The following AK5 variants were observed in gnomAD, a reference collection of about 807,000 sequenced individuals.
AK5 encodes adenylate kinase isoenzyme 5.
A neutral mutation model predicts 69.5 loss-of-function variants in AK5; 27 were observed. The ratio of observed to expected loss-of-function variants is 0.39; its 90% confidence interval spans 0.29 to 0.54. The LOEUF (loss-of-function observed/expected upper bound fraction) is 0.54, where lower values mean the gene tolerates loss of function less well. Among genes scored for constraint, AK5 ranks in the 20% least tolerant of loss-of-function variants. The pLI is 0.71. For synonymous variants in AK5, 260 were observed against 244.4 expected, an observed-to-expected ratio of 1.06 and a Z score of -0.60; for missense variants, 531 against 700.4, an observed-to-expected ratio of 0.76 and a Z score of 2.73.
chr1:77,469,251 A>G (rs926517290), intron 8 of AK5, among the ~76,000 whole-genome samples: 4 of 152,150 alleles, frequency 2.6e-5, no homozygotes, highest in African/African-American at 9.7e-5. Flanking sequence ...TTGCTAAGCT[A>G]TTGTACCCAG....
chr1:77,558,856 G>GTAT lies in AK5; in HGVS notation c.*188_*190dup. The GTAT allele has an allele frequency of 1.7e-6, 1 of 586,574 alleles. No homozygotes were observed. The highest frequency in any genetic ancestry group is 3.1e-6 in the Non-Finnish European group (1 of 319,854). The allele number at this position is 586,574 out of a possible 1,614,324, so 36.3% of individuals were successfully genotyped here. A position where few individuals can be genotyped will look rare whatever the true frequency, so the allele number is the denominator to read the frequency against. On this transcript the variant is annotated 3_prime_UTR_variant, in exon 14 of 14. Transcript: ENST00000354567. ...GAGGTGTCTGGAAATCATGCATGGT[G>GTAT]TATTTGGGACTATATCAACCTATTC... is the stretch of plus-strand genomic sequence containing the variant.
At chr1:77,549,907 C>T (rs1659736780) in intron 13 of AK5, among the ~76,000 whole-genome samples, 2 of 152,202 alleles carry the variant, frequency 1.3e-5, no homozygotes, top group South Asian at 2.1e-4. Context: ...TCACTGCAGC[C>T]TCAACCTCCT....
intron 6 of AK5, among the ~76,000 whole-genome samples, chr1:77,395,376 C>T (rs1295441360): frequency 6.6e-6 from 1 of 152,136 alleles, no homozygotes; most frequent in African/African-American, 2.4e-5. Context: ...TGGCTTCTGT[C>T]TCTATTATTG....
intron 12 of AK5, among the ~76,000 whole-genome samples, chr1:77,528,938 A>C (rs1337175690): frequency 1.3e-5 from 2 of 152,188 alleles, no homozygotes; most frequent in African/African-American, 2.4e-5. Flanking sequence ...TACATACCTC[A>C]GTGATTGTTG....
chr1:77,526,723 C>T (rs538812032), intron 12 of AK5, among the ~76,000 whole-genome samples: 7 of 151,584 alleles, frequency 4.6e-5, no homozygotes, highest in African/African-American at 1.7e-4. Flanking sequence ...GATCTGCCCT[C>T]TCAGCCTCCC....
chr1:77,522,546 T>C (rs1658048885), intron 12 of AK5, among the ~76,000 whole-genome samples: 1 of 152,114 alleles, frequency 6.6e-6, no homozygotes, highest in Non-Finnish European at 1.5e-5. Flanking sequence ...GAATGGGTGC[T>C]GGACAGGCAG....
intron 8 of AK5, among the ~76,000 whole-genome samples, chr1:77,483,084 G>A (rs1417766692): frequency 6.9e-6 from 1 of 144,986 alleles, no homozygotes; most frequent in African/African-American, 2.6e-5. Flanking sequence ...ATGTACTTGG[G>A]ACAGATGACC....
chr1:77,414,753 T>A (rs11162340), intron 7 of AK5, among the ~76,000 whole-genome samples: 34,245 of 152,132 alleles, frequency 0.23, 4,103 homozygotes, highest in East Asian at 0.38. Flanking sequence ...ATCCTAATTT[T>A]TCTGTCTTTT....
intron 6 of AK5, among the ~76,000 whole-genome samples, chr1:77,368,271 ATGTTATATATGTTATATATATG>A (rs1647049755): frequency 2.3e-5 from 2 of 88,292 alleles, no homozygotes; most frequent in African/African-American, 7.4e-5. Context: ...TGTTATATAT[ATGTTATATATGTTATATATATG>A]TTATATATAA....
At chr1:77,487,005 A>G (rs755782793) in intron 10 of AK5, among the ~76,000 whole-genome samples, 2 of 152,200 alleles carry the variant, frequency 1.3e-5, no homozygotes, top group East Asian at 1.9e-4. Context: ...GAATGCATCA[A>G]TTGCCTCATG....
intron 8 of AK5, among the ~76,000 whole-genome samples, chr1:77,469,545 C>T (rs1020712443): frequency 5.9e-5 from 9 of 152,230 alleles, no homozygotes; most frequent in Admixed American, 5.2e-4. Context: ...AAGCCAATTT[C>T]TTGCAATAAA....
intron 6 of AK5, among the ~76,000 whole-genome samples, chr1:77,407,455 A>G (rs1649734483): frequency 6.6e-6 from 1 of 152,202 alleles, no homozygotes; most frequent in African/African-American, 2.4e-5. Context: ...ATGTAAAATA[A>G]TCTGTGGTTA....
intron 5 of AK5, among the ~76,000 whole-genome samples, chr1:77,333,282 G>A (rs1237918307): frequency 6.6e-6 from 1 of 152,046 alleles, no homozygotes; most frequent in Non-Finnish European, 1.5e-5. Context: ...GACTAGCTTT[G>A]TGCCGGTGTG....
chr1:77,483,090 T>C (rs915181564), intron 8 of AK5, among the ~76,000 whole-genome samples: 15 of 146,072 alleles, frequency 1.0e-4, no homozygotes, highest in Admixed American at 6.9e-5. Context: ...TTGGGACAGA[T>C]GACCCAGGTT....
chr1:77,352,286 G>A (rs1551331), intron 6 of AK5, among the ~76,000 whole-genome samples: 38,972 of 152,152 alleles, frequency 0.26, 5,935 homozygotes, highest in East Asian at 0.41. Flanking sequence ...AATAATATTA[G>A]CTACTTTTCA....
chr1:77,488,525 A>G (rs1005491780), intron 10 of AK5, among the ~76,000 whole-genome samples: 1 of 152,192 alleles, frequency 6.6e-6, no homozygotes, highest in African/African-American at 2.4e-5. Context: ...CTCTAGAGGG[A>G]CAGAACTAAT....
intron 6 of AK5, among the ~76,000 whole-genome samples, chr1:77,369,431 A>AT (rs904935072): frequency 3.9e-5 from 6 of 152,128 alleles, no homozygotes; most frequent in Admixed American, 2.0e-4. Flanking sequence ...TGCTCCTATT[A>AT]TTTTTCCCTA....
chr1:77,416,231 A>G (rs1310502715), intron 7 of AK5, among the ~76,000 whole-genome samples: 1 of 152,192 alleles, frequency 6.6e-6, no homozygotes, highest in African/African-American at 2.4e-5. Context: ...GTTAAAATAC[A>G]TATGTAAATT....
intron 8 of AK5, among the ~76,000 whole-genome samples, chr1:77,465,848 T>G (rs1009737450): frequency 2.6e-5 from 4 of 152,188 alleles, no homozygotes; most frequent in African/African-American, 9.7e-5. Context: ...TGTACAAGAA[T>G]TTACAAAATT....
Sources: allele counts gnomAD v4.1 joint callset (sites outside exome capture counted in the v4.1 genomes callset), GRCh38; gene constraint gnomAD v4.1.1; transcripts MANE v1.5; gene names NCBI Gene and HGNC (gene_info 2026-07-23, HGNC 2026-07-21).